The following KSR2 variants were observed in gnomAD, a reference collection of about 807,000 sequenced individuals.
KSR2 encodes the protein kinase suppressor of ras 2.
In KSR2, 25 loss-of-function variants were observed where a neutral mutation model predicts 107.8. The observed-to-expected ratio is 0.23, with a 90% CI of 0.17 to 0.32. KSR2 has a LOEUF of 0.32. KSR2 is among the 10% of genes least tolerant of loss of function. The probability of loss-of-function intolerance (pLI) is 1.00; values close to 1 mark genes in which losing one functional copy is unlikely to be tolerated. For synonymous variants in KSR2, 480 were observed against 507.0 expected (o/e 0.95, Z 0.71); for missense variants, 887 against 1,268.9 (o/e 0.70, Z 4.57).
At chr12:117,890,149 A>T (rs11068715) in intron 1 of KSR2, among the ~76,000 whole-genome samples, 3 of 152,184 alleles carry the variant, frequency 2.0e-5, no homozygotes, top group Admixed American at 1.3e-4. Flanking sequence ...TTTGAACAGC[A>T]CTGTATTGGA....
intron 5 of KSR2, among the ~76,000 whole-genome samples, chr12:117,611,133 A>T (rs541634091): frequency 1.2e-4 from 18 of 152,344 alleles, no homozygotes; most frequent in African/African-American, 4.3e-4. Flanking sequence ...AATAGTAATG[A>T]CAATGACTTA....
chr12:117,497,163 C>T (rs574043779), intron 14 of KSR2, among the ~76,000 whole-genome samples: 46 of 152,100 alleles, frequency 3.0e-4, no homozygotes, highest in Non-Finnish European at 6.3e-4. Context: ...TAGGCATGAG[C>T]CACTGTGCCA....
intron 5 of KSR2, among the ~76,000 whole-genome samples, chr12:117,641,147 G>A (rs952497162): frequency 6.6e-6 from 1 of 152,158 alleles, no homozygotes; most frequent in East Asian, 1.9e-4. Context: ...GCCCAGGCTG[G>A]AGTGCAGTGG....
At chr12:117,642,847 G>C (rs1004326008) in intron 5 of KSR2, among the ~76,000 whole-genome samples, 4 of 152,144 alleles carry the variant, frequency 2.6e-5, no homozygotes, top group Non-Finnish European at 5.9e-5. Context: ...GTTTTAAGGA[G>C]GAGGTGTCTC....
intron 9 of KSR2, among the ~76,000 whole-genome samples, chr12:117,542,624 C>A (rs545328338): frequency 1.3e-5 from 2 of 152,260 alleles, no homozygotes; most frequent in African/African-American, 4.8e-5. Flanking sequence ...CTAATCTATT[C>A]TCCATATCTG....
At chr12:117,591,410 G>A (rs1054097464) in intron 5 of KSR2, among the ~76,000 whole-genome samples, 13 of 152,194 alleles carry the variant, frequency 8.5e-5, no homozygotes, top group East Asian at 1.9e-4. Flanking sequence ...CTGATAAAGC[G>A]GCACGACATA....
chr12:117,846,157 T>C (rs1892698312), intron 3 of KSR2, among the ~76,000 whole-genome samples: 1 of 152,146 alleles, frequency 6.6e-6, no homozygotes, highest in Non-Finnish European at 1.5e-5. Context: ...AATAAATCTC[T>C]TAATATATCT....
intron 1 of KSR2, among the ~76,000 whole-genome samples, chr12:117,890,481 G>A (rs903682860): frequency 2.0e-5 from 3 of 152,194 alleles, no homozygotes; most frequent in Non-Finnish European, 4.4e-5. Flanking sequence ...GAATTCTACA[G>A]TAGTGCTCTC....
chr12:117,619,745 A>G (rs1882081323), intron 5 of KSR2, among the ~76,000 whole-genome samples: 1 of 151,690 alleles, frequency 6.6e-6, no homozygotes, highest in Non-Finnish European at 1.5e-5. Context: ...GAGGCCAATT[A>G]ATCATCTCAT....
chr12:117,684,097 T>A (rs1229516979), intron 4 of KSR2, among the ~76,000 whole-genome samples: 1 of 152,136 alleles, frequency 6.6e-6, no homozygotes, highest in African/African-American at 2.4e-5. Flanking sequence ...AGCCCCTGAA[T>A]CCCACTTCCC....
chr12:117,777,150 T>G (rs1889723427), intron 3 of KSR2, among the ~76,000 whole-genome samples: 1 of 142,214 alleles, frequency 7.0e-6, no homozygotes, highest in Admixed American at 7.3e-5. Flanking sequence ...TATATATATA[T>G]ATATACACAC....
chr12:117,720,156 C>G (rs11068647), intron 4 of KSR2, among the ~76,000 whole-genome samples: 2,081 of 152,310 alleles, frequency 0.014, 48 homozygotes, highest in African/African-American at 0.048. Context: ...GATGGTTCAT[C>G]CCTGCTGAAC....
chr12:117,469,972 C>G (rs919249610), intron 18 of KSR2, among the ~76,000 whole-genome samples, 177 bp from the exon 19 acceptor site: 1 of 142,760 alleles, frequency 7.0e-6, no homozygotes, highest in African/African-American at 2.7e-5. Flanking sequence ...ACACATCTAC[C>G]CATCCAATCA....
chr12:117,768,355 A>G (rs1889320303), intron 3 of KSR2, among the ~76,000 whole-genome samples: 1 of 152,182 alleles, frequency 6.6e-6, no homozygotes, highest in Admixed American at 6.5e-5. Flanking sequence ...ACACAGCCCA[A>G]TGGATGGGAT....
intron 14 of KSR2, among the ~76,000 whole-genome samples, chr12:117,519,327 C>T (rs997188611): frequency 3.9e-5 from 6 of 152,160 alleles, no homozygotes; most frequent in South Asian, 2.1e-4. Flanking sequence ...AGGAAGGACC[C>T]GCTTTCTTTA....
chr12:117,955,849 AG>A (rs200423175), intron 1 of KSR2, among the ~76,000 whole-genome samples: 11,644 of 114,190 alleles, frequency 0.1, 604 homozygotes, highest in Middle Eastern at 0.2. Context: ...TAGTAGCCTC[AG>A]GGGGTAAAAA....
chr12:117,794,385 AT>A (rs1890508409), intron 3 of KSR2, among the ~76,000 whole-genome samples: 1 of 103,596 alleles, frequency 9.7e-6, no homozygotes, highest in Non-Finnish European at 1.9e-5. Context: ...TCACACCAAC[AT>A]GCACACTCAC....
chr12:117,565,882 T>G (rs2136201651), intron 7 of KSR2, among the ~76,000 whole-genome samples: 1 of 152,304 alleles, frequency 6.6e-6, no homozygotes, highest in East Asian at 1.9e-4. Context: ...CAATTCAAGT[T>G]TCAGACTGCA....
chr12:117,840,718 C>A (rs867828391), intron 3 of KSR2, among the ~76,000 whole-genome samples: 1 of 151,932 alleles, frequency 6.6e-6, no homozygotes, highest in African/African-American at 2.4e-5. Flanking sequence ...TTAAAAAATA[C>A]TAAGCCAGGC....
Sources: gnomAD v4.1 joint callset for allele counts (sites outside exome capture counted in the v4.1 genomes callset) on GRCh38, gnomAD v4.1.1 for gene constraint, MANE v1.5 for transcripts, NCBI Gene and HGNC (gene_info 2026-07-23, HGNC 2026-07-21) for gene names.